Variants in UGT1A9 observed in about 807,000 individuals in gnomAD.
UGT1A9 encodes the protein UDP-glucuronosyltransferase 1A9.
In UGT1A9, 35 loss-of-function variants were observed where a neutral mutation model predicts 45.0. The ratio of observed to expected loss-of-function variants is 0.78; its 90% CI spans 0.59 to 1.03. UGT1A9 has a LOEUF of 1.03. UGT1A9 is among the 50% of genes least tolerant of loss of function. UGT1A9 has a pLI of 0.00. For missense variants in UGT1A9, 687 were observed against 666.6 expected (o/e 1.03, Z -0.34); for synonymous variants, 278 against 250.6 (o/e 1.11, Z -1.03).
intron 1 of UGT1A9, chr2:233,729,923 C>T (rs760546149): frequency 3.7e-6 from 6 of 1,614,016 alleles, no homozygotes; most frequent in Non-Finnish European, 5.1e-6. Flanking sequence ...ATGGACTACC[C>T]CAGGCCAATC....
intron 1 of UGT1A9, chr2:233,743,663 T>A (rs200311210): frequency 3.0e-5 from 41 of 1,366,854 alleles, no homozygotes; most frequent in Non-Finnish European, 3.9e-5. Context: ...CTCGAAGGGG[T>A]CCTCGAAGGG....
intron 1 of UGT1A9, among the ~76,000 whole-genome samples, chr2:233,745,740 G>A (rs1693195294): frequency 6.6e-6 from 1 of 150,538 alleles, no homozygotes; most frequent in Admixed American, 6.6e-5. Context: ...GGCAGAGGGA[G>A]GGGGCAAGCA....
At chr2:233,721,036 A>G (rs1265033546) in intron 1 of UGT1A9, among the ~76,000 whole-genome samples, 1 of 152,110 alleles carries the variant, frequency 6.6e-6, no homozygotes, top group African/African-American at 2.4e-5. Context: ...TTGTGAGAGA[A>G]TTGAGCCCTT....
At chr2:233,718,910 G>A (rs760663679) in intron 1 of UGT1A9, 1 of 1,613,956 alleles carries the variant, frequency 6.2e-7, no homozygotes, top group Non-Finnish European at 8.5e-7. Context: ...AGAGTGGAAA[G>A]GTGTTGGTGG....
chr2:233,766,745 T>C (rs1337689607), intron 1 of UGT1A9, among the ~76,000 whole-genome samples: 1 of 152,196 alleles, frequency 6.6e-6, no homozygotes, highest in Non-Finnish European at 1.5e-5. Flanking sequence ...TGTACAGGTG[T>C]GTGCATGTGT....
rs191743341 is a variant in UGT1A9, at chr2:233,705,148, A to G, written c.855+32359A>G. 9.8e-3 allele frequency among the ~76,000 whole-genome samples: 1,473 copies of G among 150,974 alleles called. 22 individuals are homozygous for G. The highest frequency in any genetic ancestry group is 0.033 in the African/African-American group (1,371 of 40,938). On this transcript the variant is annotated intron_variant, in intron 1 of 4. Transcript: ENST00000354728. ...CGAGACTTCGTCTGAAAAAAAAAAA[A>G]AGAGAGAGAGAGAGAGAATAAAGGG...
intron 1 of UGT1A9, among the ~76,000 whole-genome samples, chr2:233,705,792 T>C (rs1402814731): frequency 2.6e-5 from 4 of 152,152 alleles, no homozygotes; most frequent in African/African-American, 7.2e-5. Context: ...AAAATGCCCC[T>C]TGTTCAAAAA....
At chr2:233,744,002 G>C (rs1194406959) in intron 1 of UGT1A9, 1 of 1,192,502 alleles carries the variant, frequency 8.4e-7, no homozygotes, top group Admixed American at 2.7e-5. Flanking sequence ...AGTGCTCGGA[G>C]ACCTGGGCCG....
chr2:233,711,220 T>A (rs2885295), intron 1 of UGT1A9, among the ~76,000 whole-genome samples: 15,497 of 152,242 alleles, frequency 0.1, 901 homozygotes, highest in South Asian at 0.2. Context: ...AGTGCTCCCA[T>A]GTCGCTGAAG....
intron 1 of UGT1A9, chr2:233,747,692 G>A: frequency 6.2e-7 from 1 of 1,611,132 alleles, no homozygotes; most frequent in Non-Finnish European, 8.5e-7. Context: ...GTGGGGCAGT[G>A]CTGGCTAAGT....
intron 1 of UGT1A9, among the ~76,000 whole-genome samples, chr2:233,702,165 C>T (rs769310963): frequency 1.3e-5 from 2 of 152,160 alleles, no homozygotes; most frequent in Non-Finnish European, 2.9e-5. Flanking sequence ...TTATCAGTCA[C>T]TCTTCTTTCT....
In UGT1A9 at chr2:233,672,529, G is replaced by C; in HGVS notation, c.595G>C (p.Asp199His). Residue 199 changes from aspartate (D) to histidine (H), a missense_variant, in exon 1 of 5, where the codon GAT (aspartate) becomes CAT (histidine). Transcript: ENST00000354728. ...CCCCAGAATTCTCTTAGGGTTCTCA[G>C]ATGCCATGACTTTCAAGGAGAGAGT... ...YVPRILLGFSDAMTFKERVRN... is the reference protein window; with the variant it reads ...YVPRILLGFSHAMTFKERVRN... The C allele has an allele frequency of 1.2e-6, 2 of 1,613,928 alleles. No individual in the cohort carries two copies. Among genetic ancestry groups the C allele is most frequent in the East Asian group, 2.2e-5 (1 of 44,874 alleles).
In UGT1A9 at chr2:233,739,453, T is replaced by C. The variant is rs547322370; in HGVS notation, c.856-27581T>C. On this transcript the variant is annotated intron_variant, in intron 1 of 4. Transcript: ENST00000354728. ...GGCTTTACCCTGCAAAGCCACAGGG[T>C]TGGAGCTGCCTGAGACCGTGGGAGC... 3.9e-5 allele frequency among the ~76,000 whole-genome samples: 6 copies of C among 152,290 alleles called. No homozygotes were observed. The East Asian group carries it at 5.8e-4, about 15-fold the overall frequency.
chr2:233,757,312 G>T (rs1288195448), intron 1 of UGT1A9, among the ~76,000 whole-genome samples: 1 of 141,202 alleles, frequency 7.1e-6, no homozygotes, highest in Non-Finnish European at 1.5e-5. Flanking sequence ...GGACAGGGGG[G>T]CTGGGGCCCT....
At chr2:233,756,247 A>C (rs1418468215) in intron 1 of UGT1A9, 1 of 152,214 alleles carries the variant, frequency 6.6e-6, no homozygotes, top group Non-Finnish European at 1.5e-5. Context: ...CCTTCCCCAT[A>C]CCAAAATCTA....
intron 1 of UGT1A9, among the ~76,000 whole-genome samples, chr2:233,735,584 T>C (rs2078671129): frequency 6.6e-6 from 1 of 152,234 alleles, no homozygotes; most frequent in Admixed American, 6.5e-5. Context: ...GCCCGTTAAT[T>C]GATGCAGTTT....
chr2:233,762,993 G>T (rs1698210222), intron 1 of UGT1A9, among the ~76,000 whole-genome samples: 1 of 152,172 alleles, frequency 6.6e-6, no homozygotes, highest in Non-Finnish European at 1.5e-5. Flanking sequence ...AGTGGAAATT[G>T]ATTATCATTT....
intron 4 of UGT1A9, 26 bp downstream of exon 4, chr2:233,768,465 C>T: frequency 6.2e-7 from 1 of 1,606,188 alleles, no homozygotes; most frequent in Non-Finnish European, 8.5e-7. Context: ...CAGAAGAATA[C>T]TTTGGTCATG....
chr2:233,676,572 A>G (rs746387974), intron 1 of UGT1A9, among the ~76,000 whole-genome samples: 6 of 152,162 alleles, frequency 3.9e-5, no homozygotes, highest in Non-Finnish European at 8.8e-5. Flanking sequence ...TCCCAGTGAT[A>G]CCACCTGAAA....
Sources: gnomAD v4.1 joint callset for allele counts (sites outside exome capture counted in the v4.1 genomes callset) on GRCh38, gnomAD v4.1.1 for gene constraint, MANE v1.5 for transcripts, NCBI Gene and HGNC (gene_info 2026-07-23, HGNC 2026-07-21) for gene names.